YES1: variants seen among roughly 807,000 people sequenced by gnomAD.
YES1 encodes the protein tyrosine-protein kinase Yes.
YES1 carries 39 observed loss-of-function variants against 70.4 expected under a neutral mutation model. The ratio of observed to expected loss-of-function variants is 0.55; its 90% CI spans 0.43 to 0.72. The LOEUF (loss-of-function observed/expected upper bound fraction) is 0.72. Ranked by LOEUF, YES1 falls within the 30% of genes least tolerant of loss-of-function variation. YES1 has a pLI of 0.00. For synonymous variants in YES1, 198 were observed against 218.6 expected (o/e 0.91, Z 0.83); for missense variants, 495 against 644.8 (o/e 0.77, Z 2.52).
chr18:754,990 A>G lies in YES1; in HGVS notation c.271+1567T>C, dbSNP rs565678522. ...TTAATAAATGAATACCCCTAATAGAATATTTCATATAAGTAAATTGCTTTA... is the reference window on the plus strand; with the variant it reads ...TTAATAAATGAATACCCCTAATAGAGTATTTCATATAAGTAAATTGCTTTA... On this transcript the variant is annotated intron_variant, in intron 2 of 11. Coordinates refer to ENST00000314574, the MANE Select transcript of YES1 (RefSeq NM_005433.4). 1.2e-4 allele frequency among the ~76,000 whole-genome samples: 18 copies of G among 152,334 alleles called. 1 individual carries two copies. Among genetic ancestry groups the G allele is most frequent in the South Asian group, 1.0e-3 (5 of 4,832 alleles).
In YES1 at chr18:723,119, T is replaced by C. The variant is rs2079979288; in HGVS notation, c.*1305A>G. ...AAAAGAAAACAAAAAAAAGTGAATG[T>C]AGATTCAAACATGATTTGAAAACTG... On this transcript the variant is annotated 3_prime_UTR_variant, in exon 12 of 12. Coordinates refer to ENST00000314574, the MANE Select transcript of YES1 (RefSeq NM_005433.4). The C allele has an allele frequency of 6.6e-6, 1 of 152,208 alleles. No homozygotes were observed. The highest frequency in any genetic ancestry group is 2.4e-5 in the African/African-American group (1 of 41,464). 9.4% of individuals were successfully genotyped at this position (152,208 alleles called of 1,614,324 possible).
In YES1 at chr18:732,924, G is replaced by A; in HGVS notation, c.1333C>T (p.Leu445=). 6.2e-7 allele frequency: 1 copy of A among 1,614,142 alleles called. No homozygotes were observed. Among genetic ancestry groups the A allele is most frequent in the Non-Finnish European group, 8.5e-7 (1 of 1,180,026 alleles). Reference sequence around the variant, plus strand: ...GACTTTATTGTAAACCGACCATACAGTGCAGCTTCAGGAGCTGTCCATTTG... The same window carrying A: ...GACTTTATTGTAAACCGACCATACAATGCAGCTTCAGGAGCTGTCCATTTG... ...PIKWTAPEAA[L]YGRFTIKSDV... Residue 445 remains leucine, a synonymous_variant, in exon 11 of 12, where the codon CTG becomes TTG. Coordinates refer to ENST00000314574, the MANE Select transcript of YES1 (RefSeq NM_005433.4).
intron 1 of YES1, among the ~76,000 whole-genome samples, chr18:781,894 G>A (rs529909160): frequency 1.3e-5 from 2 of 152,264 alleles, no homozygotes; most frequent in East Asian, 1.9e-4. Context: ...TGGCTTCAAG[G>A]ACAGAATCTG....
chr18:761,360 T>C (rs1026154757), intron 1 of YES1, among the ~76,000 whole-genome samples: 8 of 152,116 alleles, frequency 5.3e-5, no homozygotes, highest in African/African-American at 1.7e-4. Context: ...ATTACATAAA[T>C]TATACTTTGA....
intron 1 of YES1, among the ~76,000 whole-genome samples, chr18:771,571 T>C (rs776660464): frequency 6.6e-6 from 1 of 152,196 alleles, no homozygotes; most frequent in African/African-American, 2.4e-5. Flanking sequence ...TTTTTTGTGA[T>C]GGGGTTTCAC....
intron 1 of YES1, among the ~76,000 whole-genome samples, chr18:760,258 T>C (rs2145750698): frequency 6.6e-6 from 1 of 152,058 alleles, no homozygotes; most frequent in South Asian, 2.1e-4. Context: ...TCACCTGAGG[T>C]CAGGAGTTTG....
intron 1 of YES1, among the ~76,000 whole-genome samples, chr18:785,117 C>G (rs376163194): frequency 6.6e-6 from 1 of 151,612 alleles, no homozygotes; most frequent in East Asian, 1.9e-4. Context: ...TTTTGCTTAT[C>G]TGTGGTGGCG....
chr18:776,124 T>C lies in YES1; in HGVS notation c.-8-19289A>G, dbSNP rs564039147. Among the ~76,000 whole-genome samples, 72 of 152,336 alleles carry C rather than the reference T, an allele frequency of 4.7e-4. 1 individual carries two copies. The highest frequency in any genetic ancestry group is 3.1e-3 in the Admixed American group (48 of 15,302). On this transcript the variant is annotated intron_variant, in intron 1 of 11. Coordinates refer to ENST00000314574, the MANE Select transcript of YES1 (RefSeq NM_005433.4). ...GCTAAACAGTTTTCCAGAGTAGCTA[T>C]AGCAGTTTATACTCTCACCAGCAAG... is the stretch of plus-strand genomic sequence containing the variant.
chr18:784,868 C>T (rs547527137), intron 1 of YES1, among the ~76,000 whole-genome samples: 1 of 152,330 alleles, frequency 6.6e-6, no homozygotes, highest in South Asian at 2.1e-4. Context: ...GCAACTGTAA[C>T]TCCTCTTTAC....
chr18:766,677 T>A (rs779985915), intron 1 of YES1, among the ~76,000 whole-genome samples: 1 of 152,128 alleles, frequency 6.6e-6, no homozygotes, highest in Non-Finnish European at 1.5e-5. Flanking sequence ...ACACCTTATT[T>A]TGAGCATGTT....
At chr18:744,627 T>C (rs574238350) in intron 6 of YES1, among the ~76,000 whole-genome samples, 10 of 150,750 alleles carry the variant, frequency 6.6e-5, no homozygotes, top group African/African-American at 1.7e-4. Context: ...TGACCTCAAG[T>C]GATCTGTCTG....
At chr18:751,459 A>C (rs1223162364) in intron 3 of YES1, among the ~76,000 whole-genome samples, 1 of 152,150 alleles carries the variant, frequency 6.6e-6, no homozygotes, top group African/African-American at 2.4e-5. Flanking sequence ...CCCCTCAGTA[A>C]CTCTTCATTC....
In YES1 at chr18:722,832, C is replaced by G. The variant is rs762268461; in HGVS notation, c.*1592G>C. ...TGTAGGCTGGGCGCGGTGGCTCACG[C>G]CTGTAATCCCAGCACTTTGGGAGGC... On this transcript the variant is annotated 3_prime_UTR_variant, in exon 12 of 12. Transcript: ENST00000314574. The G allele has an allele frequency of 3.9e-5, 6 of 152,210 alleles. No homozygotes were observed. The highest frequency in any genetic ancestry group is 4.1e-4 in the South Asian group (2 of 4,826). The allele number at this position is 152,210 out of a possible 1,614,324, so 9.4% of individuals were successfully genotyped here.
chr18:763,565 T>G (rs1848600717), intron 1 of YES1, among the ~76,000 whole-genome samples: 1 of 151,818 alleles, frequency 6.6e-6, no homozygotes, highest in Admixed American at 6.6e-5. Context: ...TTGTGGTGTG[T>G]GGTGGCACAT....
intron 1 of YES1, among the ~76,000 whole-genome samples, chr18:778,760 C>G (rs1008360035): frequency 6.6e-6 from 1 of 152,098 alleles, no homozygotes; most frequent in Admixed American, 6.6e-5. Context: ...TATAAATCCC[C>G]TCCCTTAAGC....
At chr18:811,301 G>GA (rs1907366635) in intron 1 of YES1, among the ~76,000 whole-genome samples, 1 of 152,074 alleles carries the variant, frequency 6.6e-6, no homozygotes, top group South Asian at 2.1e-4. Flanking sequence ...TAATTATGCA[G>GA]AAAATGATTC....
chr18:749,018 A>G (rs1383091975), intron 3 of YES1, among the ~76,000 whole-genome samples: 1 of 152,060 alleles, frequency 6.6e-6, no homozygotes, highest in Non-Finnish European at 1.5e-5. Context: ...AAAATTAGCT[A>G]GATGCAGCGG....
chr18:758,090 A>C (rs1371821426), intron 1 of YES1, among the ~76,000 whole-genome samples: 6 of 152,240 alleles, frequency 3.9e-5, no homozygotes, highest in Admixed American at 1.3e-4. Context: ...TTTCTAATTT[A>C]GTGTAGCCAT....
intron 1 of YES1, among the ~76,000 whole-genome samples, chr18:771,233 G>A (rs894870144): frequency 2.0e-5 from 3 of 152,006 alleles, no homozygotes; most frequent in Non-Finnish European, 4.4e-5. Flanking sequence ...TGGGCATGGT[G>A]GTGCATGCCT....
Sources: gnomAD v4.1 joint callset for allele counts (sites outside exome capture counted in the v4.1 genomes callset) on GRCh38, gnomAD v4.1.1 for gene constraint, MANE v1.5 for transcripts, NCBI Gene and HGNC (gene_info 2026-07-23, HGNC 2026-07-21) for gene names.